DISP1: variants seen among roughly 807,000 people sequenced by gnomAD.
The protein encoded by DISP1 is protein dispatched homolog 1.
DISP1 carries 30 observed loss-of-function variants against 37.3 expected under a neutral mutation model. That is an observed-to-expected ratio of 0.80 (90% CI 0.60 to 1.09). The LOEUF is 1.09. DISP1 is among the 50% of genes least tolerant of loss of function. The pLI, the probability that DISP1 is intolerant of heterozygous loss-of-function variation, is 0.00. For synonymous variants in DISP1, 634 were observed against 690.2 expected, an observed-to-expected ratio of 0.92 and a Z score of 1.28; for missense variants, 1,598 against 1,879.5, an observed-to-expected ratio of 0.85 and a Z score of 2.77.
intron 1 of DISP1, among the ~76,000 whole-genome samples, chr1:222,922,590 A>G (rs1188956959): frequency 9.2e-5 from 14 of 152,180 alleles, no homozygotes; most frequent in Admixed American, 9.2e-4. Flanking sequence ...AAGGGTGCGC[A>G]GAAGTAGGAA....
chr1:223,000,670 C>T (rs1358885149), intron 8 of DISP1, among the ~76,000 whole-genome samples: 2 of 152,044 alleles, frequency 1.3e-5, no homozygotes, highest in African/African-American at 4.8e-5. Flanking sequence ...AACACATGGC[C>T]AGTCCTGTTT....
At chr1:222,989,282 A>G in intron 4 of DISP1, 1 of 743,144 alleles carries the variant, frequency 1.3e-6, no homozygotes, top group Non-Finnish European at 1.6e-6. Flanking sequence ...CAGCCAAATG[A>G]GCTAACATTA....
intron 1 of DISP1, among the ~76,000 whole-genome samples, chr1:222,851,461 GA>G (rs1369237220): frequency 6.6e-6 from 1 of 152,104 alleles, no homozygotes; most frequent in East Asian, 1.9e-4. Context: ...TGCTTGATAG[GA>G]TGTAGCGACC....
chr1:223,002,312 C>A, intron 8 of DISP1, 73 bp from the exon 9 acceptor site: 1 of 1,340,110 alleles, frequency 7.5e-7, no homozygotes, highest in Non-Finnish European at 1.1e-6. Flanking sequence ...CACCTTAGTG[C>A]AGTCCTTTCC....
At chr1:222,902,790 G>T (rs1351784314) in intron 1 of DISP1, among the ~76,000 whole-genome samples, 1 of 151,898 alleles carries the variant, frequency 6.6e-6, no homozygotes, top group Non-Finnish European at 1.5e-5. Context: ...TCATTAAAAA[G>T]TCAGGAAACA....
Position 223,005,116 on chromosome 1 carries a change from G to A in DISP1, c.3719G>A (p.Ser1240Asn). 2 of 1,614,172 alleles carry A rather than the reference G, an allele frequency of 1.2e-6. No individual in the cohort carries two copies. Among genetic ancestry groups the A allele is most frequent in the Non-Finnish European group, 1.7e-6 (2 of 1,180,034 alleles). ...PVHAAYNSEL[S>N]KSTESDAGSA... ...CATGCAGCTTACAACAGTGAACTCA[G>A]CAAAAGCACTGAAAGTGACGCTGGC... The change falls in exon 9 of 9, where the codon AGC becomes AAC. Residue 1240 changes from serine to asparagine, a missense_variant. Coordinates refer to ENST00000675850, the MANE Select transcript of DISP1 (RefSeq NM_001377229.1).
intron 1 of DISP1, among the ~76,000 whole-genome samples, chr1:222,839,384 T>A (rs939244822): frequency 6.6e-6 from 1 of 152,202 alleles, no homozygotes; most frequent in South Asian, 2.1e-4. Flanking sequence ...TTGTTTTCCA[T>A]GAAATTGGTT....
chr1:222,916,181 G>T (rs145902079), intron 1 of DISP1, among the ~76,000 whole-genome samples: 1 of 152,300 alleles, frequency 6.6e-6, no homozygotes, highest in African/African-American at 2.4e-5. Flanking sequence ...ACTGCTACAG[G>T]TTTTATCTAG....
In DISP1 at chr1:222,939,505, G is replaced by A. The variant is rs1474954097; in HGVS notation, c.-17-3302G>A. Among the ~76,000 whole-genome samples the A allele has an allele frequency of 2.0e-5, 3 of 151,780 alleles. No homozygotes were observed. In the East Asian group the frequency reaches 5.8e-4, roughly 30 times the overall value. The stretch of plus-strand genomic sequence containing the variant: ...GATGGGATTCTGTCTGAAGCCCAAT[G>A]TATTCAGTTCTTGCACTACCATAAA... On this transcript the variant is annotated intron_variant, in intron 2 of 8. Coordinates refer to ENST00000675850, the MANE Select transcript of DISP1 (RefSeq NM_001377229.1).
chr1:222,914,314 A>G (rs1177933706), intron 1 of DISP1, among the ~76,000 whole-genome samples: 5 of 152,186 alleles, frequency 3.3e-5, no homozygotes, highest in Non-Finnish European at 7.3e-5. Flanking sequence ...TATTCATTTT[A>G]TGCTTTGAAG....
chr1:222,968,039 C>T (rs1298766068), intron 3 of DISP1, among the ~76,000 whole-genome samples: 1 of 146,880 alleles, frequency 6.8e-6, no homozygotes, highest in Non-Finnish European at 1.5e-5. Context: ...CTGGGACTTG[C>T]CTGTGTTGAA....
In DISP1 at chr1:222,815,083, G is replaced by C. The variant is rs547231654; in HGVS notation, c.-159+5G>C. The C allele has an allele frequency of 6.6e-6, 1 of 152,332 alleles. No homozygotes were observed. Among genetic ancestry groups the C allele is most frequent in the Non-Finnish European group, 1.5e-5 (1 of 68,082 alleles). The allele number at this position is 152,332 out of a possible 1,614,324, so 9.4% of individuals were successfully genotyped here. A position where few individuals can be genotyped will look rare whatever the true frequency, so the allele number is the denominator to read the frequency against. On this transcript the variant is annotated splice_donor_5th_base_variant and intron_variant, in intron 1 of 8. Coordinates refer to ENST00000675850, the MANE Select transcript of DISP1 (RefSeq NM_001377229.1). ...ATCCGAGAGCCCGGACTGGAGGTGA[G>C]TTCGCAGCCGGAACGTTGCAGGCAC... is the stretch of plus-strand genomic sequence containing the variant.
intron 1 of DISP1, among the ~76,000 whole-genome samples, chr1:222,852,198 A>G (rs1668286621): frequency 1.3e-5 from 2 of 151,774 alleles, no homozygotes; most frequent in Admixed American, 1.3e-4. Context: ...TAAATAAATA[A>G]ATAAATTTAC....
chr1:222,987,345 C>A (rs938767514), intron 4 of DISP1, among the ~76,000 whole-genome samples: 1 of 152,114 alleles, frequency 6.6e-6, no homozygotes, highest in Non-Finnish European at 1.5e-5. Flanking sequence ...GGGCTTTCCC[C>A]CATGGTGTTT....
Position 223,005,209 on chromosome 1 carries a change from G to A in DISP1, c.3812G>A (p.Cys1271Tyr), listed in dbSNP as rs777881907. 1.9e-6 allele frequency: 3 copies of A among 1,614,138 alleles called. No homozygotes were observed. Among genetic ancestry groups the A allele is most frequent in the South Asian group, 1.1e-5 (1 of 91,084 alleles). The change falls in exon 9 of 9, where the codon TGT becomes TAT. Residue 1271 changes from cysteine (C) to tyrosine (Y), a missense_variant. Physicochemically the swap from Cys to Tyr is radical, Grantham distance 194. Coordinates refer to ENST00000675850, the MANE Select transcript of DISP1 (RefSeq NM_001377229.1). ...VCHFFSLNQR[C>Y]SCPDAYKHLN... ...CACTTCTTCTCTCTGAATCAGAGATGTAGCTGCCCAGATGCCTACAAACAC... is the reference window on the plus strand; with the variant it reads ...CACTTCTTCTCTCTGAATCAGAGATATAGCTGCCCAGATGCCTACAAACAC...
intron 1 of DISP1, chr1:222,837,028 G>C: frequency 2.5e-6 from 1 of 398,448 alleles, no homozygotes; most frequent in Non-Finnish European, 4.4e-6. Context: ...TGAAGTTTAA[G>C]CTAGCCCATG....
intron 1 of DISP1, among the ~76,000 whole-genome samples, chr1:222,901,562 C>G (rs1318752592): frequency 1.3e-5 from 2 of 152,118 alleles, no homozygotes; most frequent in South Asian, 4.1e-4. Context: ...CTCACTCACT[C>G]TGTCACCTGG....
At chr1:222,983,466 A>G (rs1677985984) in intron 4 of DISP1, among the ~76,000 whole-genome samples, 2 of 152,016 alleles carry the variant, frequency 1.3e-5, no homozygotes, top group Middle Eastern at 6.8e-3. Flanking sequence ...AAAATACAAA[A>G]ATTAGCCAGG....
intron 1 of DISP1, among the ~76,000 whole-genome samples, chr1:222,904,730 G>A (rs1319250946): frequency 1.3e-5 from 2 of 151,814 alleles, no homozygotes; most frequent in Non-Finnish European, 2.9e-5. Flanking sequence ...ACTATGCCTG[G>A]CCAATTTTTG....
Sources: gnomAD v4.1 joint callset for allele counts (sites outside exome capture counted in the v4.1 genomes callset) on GRCh38, gnomAD v4.1.1 for gene constraint, MANE v1.5 for transcripts, NCBI Gene and HGNC (gene_info 2026-07-23, HGNC 2026-07-21) for gene names.